Variants in GTF2E2 observed in about 807,000 individuals in gnomAD.
GTF2E2 encodes the protein transcription initiation factor IIE subunit beta.
Under a neutral mutation model 40.5 loss-of-function variants are expected in GTF2E2, and 21 were observed. The observed-to-expected ratio is 0.52, with a 90% CI of 0.37 to 0.75. The LOEUF is 0.75. GTF2E2 is among the 30% of genes least tolerant of loss of function. The pLI, the probability that GTF2E2 is intolerant of heterozygous loss-of-function variation, is 0.00. For synonymous variants in GTF2E2, 117 were observed against 121.6 expected (o/e 0.96, Z 0.25); for missense variants, 298 against 338.4 (o/e 0.88, Z 0.94).
intron 6 of GTF2E2, among the ~76,000 whole-genome samples, chr8:30,588,920 G>A (rs1206648349): frequency 6.6e-6 from 1 of 152,178 alleles, no homozygotes; most frequent in Non-Finnish European, 1.5e-5. Context: ...AGCAGCAACA[G>A]GAAACTAATA....
intron 3 of GTF2E2, among the ~76,000 whole-genome samples, chr8:30,618,059 G>C (rs562146139): frequency 3.9e-5 from 6 of 152,282 alleles, no homozygotes; most frequent in African/African-American, 1.4e-4. Flanking sequence ...AGCACTTTGG[G>C]AGGCCGAGGC....
At chr8:30,642,505 T>C (rs866058316) in intron 2 of GTF2E2, among the ~76,000 whole-genome samples, 7 of 152,336 alleles carry the variant, frequency 4.6e-5, no homozygotes, top group Middle Eastern at 3.4e-3. Context: ...ATTTAAATTG[T>C]TGAAAAAACA....
In GTF2E2 at chr8:30,658,024, C is replaced by G. The variant is rs1178843779; in HGVS notation, c.-56G>C. On this transcript the variant is annotated 5_prime_UTR_variant, in exon 1 of 8. Transcript: ENST00000355904. ...ACTCGCCGCCCCCTTCCTGCGCCTC[C>G]GCCTCGGCCGGCCGCCCACGCCGGC... The G allele has an allele frequency of 1.3e-5, 2 of 155,452 alleles. No individual in the cohort carries two copies. Among genetic ancestry groups the G allele is most frequent in the Admixed American group, 1.3e-4 (2 of 15,308 alleles). The allele number at this position is 155,452 out of a possible 1,614,324, so 9.6% of individuals were successfully genotyped here. A position where few individuals can be genotyped will look rare whatever the true frequency, so the allele number is the denominator to read the frequency against.
chr8:30,651,006 T>C (rs935155774), intron 2 of GTF2E2, among the ~76,000 whole-genome samples: 1 of 100,004 alleles, frequency 1.0e-5, no homozygotes. Context: ...AGAGCAAGAC[T>C]CCGTCTCAAA....
chr8:30,605,503 G>GTA (rs1829294719), intron 6 of GTF2E2, among the ~76,000 whole-genome samples: 1 of 152,144 alleles, frequency 6.6e-6, no homozygotes, highest in South Asian at 2.1e-4. Flanking sequence ...CTGCCTTTTA[G>GTA]TATAGGCTCT....
Position 30,612,478 on chromosome 8 carries a change from A to G in GTF2E2, c.370T>C (p.Leu124=), listed in dbSNP as rs758797615. Residue 124 remains leucine, a synonymous_variant, in exon 5 of 8, where the codon TTA becomes CTA. Transcript: ENST00000355904. ...KQKQWLMTEA[L]VNNPKIEVID... ...ACTTCAATTTTGGGATTGTTGACTAAAGCCTGTAACAGTGATACAATTGGA... is the reference window on the plus strand; with the variant it reads ...ACTTCAATTTTGGGATTGTTGACTAGAGCCTGTAACAGTGATACAATTGGA... 6.3e-5 allele frequency: 101 copies of G among 1,591,096 alleles called. No homozygotes were observed. The African/African-American group carries it at 1.2e-3, about 20-fold the overall frequency.
chr8:30,601,856 GA>G (rs1829189941), intron 6 of GTF2E2, among the ~76,000 whole-genome samples: 1 of 152,160 alleles, frequency 6.6e-6, no homozygotes, highest in South Asian at 2.1e-4. Flanking sequence ...ACTTAAGGAA[GA>G]GACCAGTTAT....
intron 3 of GTF2E2, among the ~76,000 whole-genome samples, chr8:30,616,420 G>C (rs1474839468): frequency 6.6e-6 from 1 of 151,842 alleles, no homozygotes; most frequent in African/African-American, 2.4e-5. Flanking sequence ...TGGCAACAGA[G>C]CAAGACTCTG....
chr8:30,602,754 C>CAA (rs35330702), intron 6 of GTF2E2, among the ~76,000 whole-genome samples: 40,490 of 91,488 alleles, frequency 0.44, 7,613 homozygotes, highest in South Asian at 0.59. Flanking sequence ...AACTCCGTCT[C>CAA]AAAAAAAAAA....
In GTF2E2 at chr8:30,610,422, GGTGACAGT is replaced by G. The variant is rs1406003005; in HGVS notation, c.549+1869_549+1876del. On this transcript the variant is annotated intron_variant, in intron 5 of 7. Transcript: ENST00000355904. ...GATTGCATCACTGCACTCCAGCATG[GGTGACAGT>G]GTGACTCTGTCTCAAAAAAAAAAAA... Among the ~76,000 whole-genome samples, 17 of 149,186 alleles carry G rather than the reference GGTGACAGT, an allele frequency of 1.1e-4. No homozygotes were observed. In the South Asian group the frequency reaches 1.3e-3, roughly 11 times the overall value.
intron 6 of GTF2E2, among the ~76,000 whole-genome samples, chr8:30,594,006 C>A (rs1370780817): frequency 6.6e-6 from 1 of 152,134 alleles, no homozygotes; most frequent in Admixed American, 6.5e-5. Context: ...TCTTGGCTCA[C>A]TGCAGCCTCC....
At chr8:30,580,132 G>A (rs1213154165) in intron 7 of GTF2E2, 149 bp downstream of exon 7, 1 of 615,024 alleles carries the variant, frequency 1.6e-6, no homozygotes, top group African/African-American at 1.9e-5. Flanking sequence ...CGGGTCTGCA[G>A]GCCTGCAATA....
intron 6 of GTF2E2, among the ~76,000 whole-genome samples, chr8:30,588,087 G>GA (rs1165785685): frequency 6.6e-6 from 1 of 152,154 alleles, no homozygotes; most frequent in African/African-American, 2.4e-5. Context: ...CACTGATGAG[G>GA]ATGTAGCAGA....
Position 30,625,821 on chromosome 8 carries a change from A to G in GTF2E2, c.258+9211T>C, listed in dbSNP as rs371306368. Among the ~76,000 whole-genome samples the G allele has an allele frequency of 5.3e-5, 8 of 151,946 alleles. No individual in the cohort carries two copies. The East Asian group carries it at 1.6e-3, about 30-fold the overall frequency. On this transcript the variant is annotated intron_variant, in intron 3 of 7. Transcript: ENST00000355904. ...GCCATGTTGGCCAGGCTGGTCTCAA[A>G]CTCCTGACCTCAAGTCACCCGCCCG...
At chr8:30,618,114 T>C (rs536018543) in intron 3 of GTF2E2, among the ~76,000 whole-genome samples, 1 of 152,152 alleles carries the variant, frequency 6.6e-6, no homozygotes, top group South Asian at 2.1e-4. Flanking sequence ...CTGACCAACA[T>C]AGTGAAATCT....
intron 3 of GTF2E2, among the ~76,000 whole-genome samples, chr8:30,615,468 G>T (rs1237772385): frequency 6.6e-6 from 1 of 152,078 alleles, no homozygotes; most frequent in East Asian, 1.9e-4. Context: ...TTCATAAAAG[G>T]AAAATATTAG....
intron 2 of GTF2E2, among the ~76,000 whole-genome samples, chr8:30,639,561 A>G (rs1449287761): frequency 1.3e-5 from 2 of 152,196 alleles, no homozygotes; most frequent in African/African-American, 4.8e-5. Flanking sequence ...TAACAAGATT[A>G]TCTTCGTGGC....
At chr8:30,593,277 T>TTTTTTC (rs1178969458) in intron 6 of GTF2E2, among the ~76,000 whole-genome samples, 3 of 152,192 alleles carry the variant, frequency 2.0e-5, no homozygotes, top group Non-Finnish European at 2.9e-5. Flanking sequence ...TCAAATTAGT[T>TTTTTTC]GATGGTGCTC....
intron 6 of GTF2E2, among the ~76,000 whole-genome samples, chr8:30,594,605 C>T (rs1443798928): frequency 1.3e-5 from 2 of 150,622 alleles, no homozygotes; most frequent in African/African-American, 2.4e-5. Flanking sequence ...TGCCTATAAT[C>T]CCAGCACTTT....
Sources: allele counts gnomAD v4.1 joint callset (sites outside exome capture counted in the v4.1 genomes callset), GRCh38; gene constraint gnomAD v4.1.1; transcripts MANE v1.5; gene names NCBI Gene and HGNC (gene_info 2026-07-23, HGNC 2026-07-21).